Variants in PLOD2 observed in about 807,000 individuals in gnomAD.
PLOD2 encodes lysine hydroxylase 2.
PLOD2 carries 65 observed loss-of-function variants against 101.0 expected under a neutral mutation model. That is an observed-to-expected ratio of 0.64 (90% CI 0.53 to 0.79). The LOEUF (loss-of-function observed/expected upper bound fraction) is 0.79, where lower values mean the gene tolerates loss of function less well. Ranked by LOEUF, PLOD2 falls within the 30% of genes least tolerant of loss-of-function variation. PLOD2 has a pLI of 0.00. For missense variants in PLOD2, 909 were observed against 914.6 expected (o/e 0.99, Z 0.08); for synonymous variants, 314 against 302.9 (o/e 1.04, Z -0.38).
intron 1 of PLOD2, among the ~76,000 whole-genome samples, chr3:146,140,567 C>T (rs943133027): frequency 5.3e-5 from 8 of 152,030 alleles, no homozygotes; most frequent in Non-Finnish European, 1.0e-4. Flanking sequence ...TTAAACTATA[C>T]TATGTGTGCT....
At chr3:146,094,071 C>T (rs745788507) in intron 7 of PLOD2, among the ~76,000 whole-genome samples, 25 of 152,142 alleles carry the variant, frequency 1.6e-4, no homozygotes, top group Non-Finnish European at 2.8e-4. Flanking sequence ...CAGCTCTAGA[C>T]GGTGCAGAAG....
intron 13 of PLOD2, among the ~76,000 whole-genome samples, chr3:146,078,310 C>T (rs1936415693): frequency 6.6e-6 from 1 of 151,746 alleles, no homozygotes; most frequent in Non-Finnish European, 1.5e-5. Context: ...AATAATAATG[C>T]ACACAGGTTT....
chr3:146,150,250 T>C (rs1397536280), intron 1 of PLOD2, among the ~76,000 whole-genome samples: 1 of 152,206 alleles, frequency 6.6e-6, no homozygotes, highest in Non-Finnish European at 1.5e-5. Flanking sequence ...GTTCACTAAA[T>C]GCAATCATAT....
rs969836927 is a variant in PLOD2 at position 146,090,017 on chromosome 3, A to G, written c.880-1306T>C. 6.2e-4 allele frequency among the ~76,000 whole-genome samples: 94 copies of G among 151,544 alleles called. 1 individual carries two copies. Among genetic ancestry groups the G allele is most frequent in the Non-Finnish European group, 1.2e-4 (8 of 67,540 alleles). ...CCATTATTAACCTAAGTTCATGTTT[A>G]TATAACAACAACATTATAACAGTTA... On this transcript the variant is annotated intron_variant, in intron 8 of 19. Coordinates refer to ENST00000282903, the MANE Select transcript of PLOD2 (RefSeq NM_182943.3).
intron 13 of PLOD2, among the ~76,000 whole-genome samples, chr3:146,078,834 A>G (rs777057558): frequency 7.2e-5 from 11 of 151,984 alleles, no homozygotes; most frequent in Non-Finnish European, 1.5e-4. Flanking sequence ...TTCTTAAAAG[A>G]GCAAAGCTGA....
chr3:146,085,789 A>G (rs988078140), intron 10 of PLOD2: 6 of 154,790 alleles, frequency 3.9e-5, no homozygotes, highest in Admixed American at 1.3e-4. Context: ...CATTATCATC[A>G]GCAATATCAA....
intron 1 of PLOD2, among the ~76,000 whole-genome samples, chr3:146,152,718 A>ATAAG (rs1411560733): frequency 1.3e-5 from 2 of 152,188 alleles, no homozygotes; most frequent in African/African-American, 4.8e-5. Context: ...TTGCTTACCC[A>ATAAG]TAAGTGCTTC....
intron 8 of PLOD2, among the ~76,000 whole-genome samples, chr3:146,090,781 A>C (rs1936945503): frequency 6.6e-6 from 1 of 151,848 alleles, no homozygotes. Context: ...TTACAGTAAA[A>C]GTATTTTGCA....
chr3:146,089,147 A>T (rs888024120), intron 8 of PLOD2, among the ~76,000 whole-genome samples: 3 of 151,604 alleles, frequency 2.0e-5, no homozygotes, highest in African/African-American at 7.2e-5. Flanking sequence ...TTGAGCACAT[A>T]AAAAGCAATC....
At chr3:146,114,724 C>G (rs530808101) in intron 3 of PLOD2, among the ~76,000 whole-genome samples, 2 of 152,076 alleles carry the variant, frequency 1.3e-5, no homozygotes, top group Non-Finnish European at 2.9e-5. Flanking sequence ...TACTGGAGAA[C>G]GTGCTCCACC....
intron 14 of PLOD2, 97 bp from the exon 15 acceptor site, chr3:146,076,992 T>A: frequency 3.0e-6 from 1 of 335,934 alleles, no homozygotes; most frequent in South Asian, 6.3e-5. Context: ...TTTCTATCTT[T>A]ATATTTCATT....
intron 7 of PLOD2, among the ~76,000 whole-genome samples, chr3:146,093,222 G>A (rs1023406029): frequency 2.0e-5 from 3 of 152,140 alleles, no homozygotes; most frequent in Non-Finnish European, 4.4e-5. Context: ...AAACACTGCT[G>A]AAACAAGAAC....
At chr3:146,095,057 T>C (rs1937102298) in intron 7 of PLOD2, among the ~76,000 whole-genome samples, 1 of 151,994 alleles carries the variant, frequency 6.6e-6, no homozygotes, top group Non-Finnish European at 1.5e-5. Flanking sequence ...TCACACCTTA[T>C]AAAAAATCAA....
intron 12 of PLOD2, among the ~76,000 whole-genome samples, chr3:146,081,413 G>A (rs112121097): frequency 2.0e-5 from 3 of 152,142 alleles, no homozygotes; most frequent in African/African-American, 7.2e-5. Flanking sequence ...TAAAAAGTTA[G>A]TAAACTAAAT....
intron 17 of PLOD2, among the ~76,000 whole-genome samples, 169 bp downstream of exon 17, chr3:146,072,392 A>C (rs1196126676): frequency 6.6e-6 from 1 of 151,696 alleles, no homozygotes; most frequent in African/African-American, 2.4e-5. Context: ...AGTGTTAAAA[A>C]AATTGGTTGG....
At chr3:146,119,141 G>A (rs1938063002) in intron 3 of PLOD2, among the ~76,000 whole-genome samples, 2 of 152,096 alleles carry the variant, frequency 1.3e-5, no homozygotes, top group African/African-American at 4.8e-5. Context: ...CCCTAGTGAT[G>A]TTCTCATTAT....
intron 1 of PLOD2, among the ~76,000 whole-genome samples, chr3:146,160,159 A>C (rs1427577895): frequency 6.6e-6 from 1 of 152,254 alleles, no homozygotes; most frequent in Non-Finnish European, 1.5e-5. Context: ...CACAAAAGGC[A>C]GCAAAGCATG....
chr3:146,130,469 C>A (rs2030844214), intron 1 of PLOD2, among the ~76,000 whole-genome samples: 1 of 152,122 alleles, frequency 6.6e-6, no homozygotes, highest in Admixed American at 6.6e-5. Context: ...TACAGAAAGG[C>A]AGAGAACATT....
At chr3:146,073,418 T>C (rs1936222250) in intron 15 of PLOD2, 66 bp from the exon 16 acceptor site, 3 of 594,384 alleles carry the variant, frequency 5.0e-6, no homozygotes, top group Non-Finnish European at 8.9e-6. Flanking sequence ...GTATAAAGCA[T>C]ATGCATTTTA....
Sources: allele counts gnomAD v4.1 joint callset (sites outside exome capture counted in the v4.1 genomes callset), GRCh38; gene constraint gnomAD v4.1.1; transcripts MANE v1.5; gene names NCBI Gene and HGNC (gene_info 2026-07-23, HGNC 2026-07-21).